The following SKAP1 variants were observed in gnomAD, a reference collection of about 807,000 sequenced individuals.
The protein encoded by SKAP1 is src kinase associated phosphoprotein 1.
SKAP1 carries 44 observed loss-of-function variants against 58.5 expected under a neutral mutation model. The ratio of observed to expected loss-of-function variants is 0.75; its 90% CI spans 0.59 to 0.97. The LOEUF (loss-of-function observed/expected upper bound fraction) is 0.97, where lower values mean the gene tolerates loss of function less well. Among genes scored for constraint, SKAP1 ranks in the 50% least tolerant of loss-of-function variants. The probability of loss-of-function intolerance (pLI) is 0.00; values close to 1 mark genes in which losing one functional copy is unlikely to be tolerated. For synonymous variants in SKAP1, 127 were observed against 149.7 expected (o/e 0.85, Z 1.11); for missense variants, 390 against 435.2 (o/e 0.90, Z 0.92).
intron 11 of SKAP1, among the ~76,000 whole-genome samples, chr17:48,138,100 AG>A: frequency 6.6e-6 from 1 of 152,332 alleles, no homozygotes; most frequent in South Asian, 2.1e-4. Flanking sequence ...AGAGGATGAG[AG>A]GGTTTTAAAG....
At chr17:48,286,313 A>G (rs2065829497) in intron 4 of SKAP1, among the ~76,000 whole-genome samples, 2 of 152,254 alleles carry the variant, frequency 1.3e-5, no homozygotes, top group Admixed American at 1.3e-4. Context: ...CCTGGAATAT[A>G]TAACAAGATT....
chr17:48,269,976 G>A (rs1031230923), intron 4 of SKAP1, among the ~76,000 whole-genome samples: 2 of 152,046 alleles, frequency 1.3e-5, no homozygotes, highest in African/African-American at 2.4e-5. Context: ...GCCAGGCATG[G>A]TGGCGCATGC....
At chr17:48,221,035 A>C (rs1051328417) in intron 4 of SKAP1, among the ~76,000 whole-genome samples, 1 of 152,034 alleles carries the variant, frequency 6.6e-6, no homozygotes, top group African/African-American at 2.4e-5. Flanking sequence ...TTCGGAGGCC[A>C]AGGCAGGCGG....
At chr17:48,285,643 T>A (rs1377235300) in intron 4 of SKAP1, among the ~76,000 whole-genome samples, 1 of 151,386 alleles carries the variant, frequency 6.6e-6, no homozygotes, top group Non-Finnish European at 1.5e-5. Context: ...GGAGCCCCTA[T>A]GTCAATATTT....
chr17:48,250,276 T>TGA (rs749956271), intron 4 of SKAP1, among the ~76,000 whole-genome samples: 1 of 61,864 alleles, frequency 1.6e-5, no homozygotes, highest in Non-Finnish European at 3.2e-5. Context: ...TAGACAGTTT[T>TGA]TTTTTTTTTT....
chr17:48,317,213 A>G (rs2066300716), intron 4 of SKAP1, among the ~76,000 whole-genome samples: 1 of 152,232 alleles, frequency 6.6e-6, no homozygotes, highest in African/African-American at 2.4e-5. Flanking sequence ...AAATAAACCT[A>G]TGAAAAATCA....
chr17:48,200,318 G>A (rs2064711309), intron 4 of SKAP1, among the ~76,000 whole-genome samples: 1 of 151,904 alleles, frequency 6.6e-6, no homozygotes, highest in South Asian at 2.1e-4. Flanking sequence ...ATTAAATTGA[G>A]GAGGAACTGG....
intron 4 of SKAP1, among the ~76,000 whole-genome samples, chr17:48,221,322 T>G (rs1249559940): frequency 6.6e-6 from 1 of 152,156 alleles, no homozygotes; most frequent in Non-Finnish European, 1.5e-5. Context: ...TTGCGCATTT[T>G]TCTGTATATA....
chr17:48,396,633 T>G, intron 2 of SKAP1, 47 bp downstream of exon 2: 1 of 1,196,286 alleles, frequency 8.4e-7, no homozygotes. Flanking sequence ...GATTATAAAT[T>G]GTTTTAAAGC....
chr17:48,155,361 C>T (rs1843818952), intron 11 of SKAP1, among the ~76,000 whole-genome samples: 1 of 151,350 alleles, frequency 6.6e-6, no homozygotes, highest in African/African-American at 2.4e-5. Flanking sequence ...CTCCTGACCT[C>T]AGGCAATCCA....
intron 4 of SKAP1, among the ~76,000 whole-genome samples, chr17:48,340,504 A>G (rs916312544): frequency 6.6e-6 from 1 of 152,196 alleles, no homozygotes; most frequent in Non-Finnish European, 1.5e-5. Context: ...AGTGTAATCA[A>G]TGAATGTTTC....
chr17:48,199,287 G>A (rs79381318), intron 4 of SKAP1, among the ~76,000 whole-genome samples: 328 of 152,202 alleles, frequency 2.2e-3, no homozygotes, highest in African/African-American at 7.7e-3. Flanking sequence ...AAACTCTCCA[G>A]CATACAAAGA....
At chr17:48,142,994 T>TG (rs1225555400) in intron 11 of SKAP1, among the ~76,000 whole-genome samples, 123 of 150,616 alleles carry the variant, frequency 8.2e-4, no homozygotes, top group Non-Finnish European at 5.6e-4. Flanking sequence ...TTTTTTTTTT[T>TG]TTTGTAGAGA....
At chr17:48,327,363 A>G (rs1360227082) in intron 4 of SKAP1, among the ~76,000 whole-genome samples, 1 of 152,242 alleles carries the variant, frequency 6.6e-6, no homozygotes, top group Non-Finnish European at 1.5e-5. Context: ...CGCTACAGAA[A>G]GGTATAAAGT....
At chr17:48,256,968 G>A (rs2065430096) in intron 4 of SKAP1, among the ~76,000 whole-genome samples, 3 of 152,042 alleles carry the variant, frequency 2.0e-5, no homozygotes, top group Admixed American at 2.0e-4. Context: ...TAAAGTCAAA[G>A]AGGTTTTAAG....
intron 4 of SKAP1, among the ~76,000 whole-genome samples, chr17:48,271,022 T>A (rs2924254): frequency 1.3e-5 from 2 of 151,598 alleles, no homozygotes; most frequent in Non-Finnish European, 2.9e-5. Flanking sequence ...CAGAAGGAGA[T>A]AGGAGAGCAC....
chr17:48,330,402 T>C (rs886714653), intron 4 of SKAP1, among the ~76,000 whole-genome samples: 12 of 152,242 alleles, frequency 7.9e-5, no homozygotes, highest in Admixed American at 2.6e-4. Context: ...GGACTGCTAC[T>C]ATCACTGTCA....
chr17:48,290,604 T>C (rs1009040692), intron 4 of SKAP1, among the ~76,000 whole-genome samples: 3 of 152,146 alleles, frequency 2.0e-5, no homozygotes, highest in Admixed American at 2.0e-4. Flanking sequence ...CCCTATTTTA[T>C]TTCTCACATA....
At chr17:48,222,241 G>T (rs957584318) in intron 4 of SKAP1, among the ~76,000 whole-genome samples, 24 of 152,096 alleles carry the variant, frequency 1.6e-4, no homozygotes, top group African/African-American at 5.6e-4. Flanking sequence ...TGACAAAAAG[G>T]GTTCCTCACG....
Sources: allele counts gnomAD v4.1 joint callset (sites outside exome capture counted in the v4.1 genomes callset), GRCh38; gene constraint gnomAD v4.1.1; transcripts MANE v1.5; gene names NCBI Gene and HGNC (gene_info 2026-07-23, HGNC 2026-07-21).